The following ANGPT4 variants were observed in gnomAD, a reference collection of about 807,000 sequenced individuals.
ANGPT4 encodes angiopoietin-4.
A neutral mutation model predicts 53.0 loss-of-function variants in ANGPT4; 50 were observed. The observed-to-expected ratio is 0.94, with a 90% CI of 0.75 to 1.20. The LOEUF (loss-of-function observed/expected upper bound fraction) is 1.20, where lower values mean the gene tolerates loss of function less well. Ranked by LOEUF, ANGPT4 falls within the 50% of genes most tolerant of loss-of-function variation. The pLI is 0.00. For missense variants in ANGPT4, 648 were observed against 637.1 expected, an observed-to-expected ratio of 1.02 and a Z score of -0.18; for synonymous variants, 251 against 259.7, an observed-to-expected ratio of 0.97 and a Z score of 0.32.
intron 1 of ANGPT4, among the ~76,000 whole-genome samples, chr20:902,382 T>A (rs73892525): frequency 0.046 from 7,057 of 152,210 alleles, 517 homozygotes; most frequent in African/African-American, 0.16. Context: ...CTCTAACTGA[T>A]ATTAACTTTT....
chr20:877,981 G>A (rs576184200), intron 7 of ANGPT4, among the ~76,000 whole-genome samples, 180 bp downstream of exon 7: 1 of 152,324 alleles, frequency 6.6e-6, no homozygotes, highest in East Asian at 1.9e-4. Context: ...GACATGCTGA[G>A]TGCTAACCAG....
chr20:894,338 A>T (rs1418258993), intron 1 of ANGPT4, among the ~76,000 whole-genome samples: 1 of 152,016 alleles, frequency 6.6e-6, no homozygotes, highest in Non-Finnish European at 1.5e-5. Flanking sequence ...CAACAGGAAA[A>T]CCCAAGTGCT....
chr20:898,687 A>G (rs1305132263), intron 1 of ANGPT4, among the ~76,000 whole-genome samples: 3 of 152,340 alleles, frequency 2.0e-5, no homozygotes, highest in African/African-American at 7.2e-5. Flanking sequence ...GTGGCAACAT[A>G]TTTCTGAGTT....
In ANGPT4 at chr20:878,278, T is replaced by C; in HGVS notation, c.1103A>G (p.His368Arg). 2 of 1,611,220 alleles carry C rather than the reference T, an allele frequency of 1.2e-6. No homozygotes were observed. The highest frequency in any genetic ancestry group is 1.7e-6 in the Non-Finnish European group (2 of 1,178,638). Residue 368 changes from histidine (H) to arginine (R), a missense_variant, in exon 7 of 9, where the codon CAC becomes CGC. Physicochemically the swap from His to Arg is conservative, Grantham distance 29. Coordinates refer to ENST00000381922, the MANE Select transcript of ANGPT4 (RefSeq NM_015985.4). ...GTAGGCTGCCCTTCTGGTGAGCTGG[T>C]GCACCACTTCATTGCCCAGCCAGTG... Reference protein sequence around the residue: ...GEHWLGNEVVHQLTRRAAYSL... With the variant: ...GEHWLGNEVVRQLTRRAAYSL...
rs569458317 is a variant in ANGPT4 at position 887,964 on chromosome 20, T to C, written c.587+354A>G. 7.5e-4 allele frequency among the ~76,000 whole-genome samples: 114 copies of C among 152,084 alleles called. 1 individual carries two copies. Among genetic ancestry groups the C allele is most frequent in the African/African-American group, 1.7e-3 (70 of 41,520 alleles). On this transcript the variant is annotated intron_variant, in intron 3 of 8. Transcript: ENST00000381922. Reference sequence around the variant, plus strand: ...GGGCCCCAGGAAGATGCCTATCCCCTGTCCCACCCAGTGCAGGGGCCAGGC... The same window carrying C: ...GGGCCCCAGGAAGATGCCTATCCCCCGTCCCACCCAGTGCAGGGGCCAGGC...
intron 4 of ANGPT4, among the ~76,000 whole-genome samples, chr20:883,641 G>A (rs374439514): frequency 1.3e-3 from 204 of 152,356 alleles, no homozygotes; most frequent in African/African-American, 4.4e-3. Flanking sequence ...ACGGGGGACA[G>A]GGTGTTTGGG....
At chr20:902,422 A>G (rs1982321895) in intron 1 of ANGPT4, among the ~76,000 whole-genome samples, 1 of 152,064 alleles carries the variant, frequency 6.6e-6, no homozygotes, top group Non-Finnish European at 1.5e-5. Flanking sequence ...GCCACAGGCT[A>G]TTACAGTGGT....
chr20:916,129 G>T lies in ANGPT4; in HGVS notation c.86C>A (p.Ala29Glu). 3.1e-6 allele frequency: 5 copies of T among 1,614,152 alleles called. No homozygotes were observed. The highest frequency in any genetic ancestry group is 1.1e-5 in the South Asian group (1 of 91,082). ...MSVAQQTRQE[A>E]DRGCETLVVQ... Reference sequence around the variant, plus strand: ...TACAAGTGTCTCGCAGCCCCTATCCGCCTCCTGCCTTGTCTGTTGAGCCAC... The same window carrying T: ...TACAAGTGTCTCGCAGCCCCTATCCTCCTCCTGCCTTGTCTGTTGAGCCAC... The change falls in exon 1 of 9, where the codon GCG (alanine) becomes GAG (glutamate). Residue 29 changes from alanine (A) to glutamate (E), a missense_variant. Physicochemically the swap from Ala to Glu is moderately radical, Grantham distance 107. Transcript: ENST00000381922.
intron 3 of ANGPT4, among the ~76,000 whole-genome samples, chr20:887,745 T>G (rs1325151415): frequency 1.3e-5 from 2 of 151,998 alleles, no homozygotes; most frequent in Non-Finnish European, 2.9e-5. Flanking sequence ...ACTGTGGTTG[T>G]TTCTGGGAAA....
intron 5 of ANGPT4, among the ~76,000 whole-genome samples, 192 bp downstream of exon 5, chr20:880,979 C>A (rs563435605): frequency 1.3e-5 from 2 of 152,256 alleles, no homozygotes; most frequent in African/African-American, 2.4e-5. Context: ...TAAGGATGCA[C>A]TTCCAACTTT....
In ANGPT4 at chr20:885,701, C is replaced by CA. The variant is rs1230824311; in HGVS notation, c.588-377dup. Among the ~76,000 whole-genome samples the CA allele has an allele frequency of 5.5e-4, 84 of 152,026 alleles. 2 individuals are homozygous for CA. The highest frequency in any genetic ancestry group is 5.0e-3 in the Admixed American group (77 of 15,268). On this transcript the variant is annotated intron_variant, in intron 3 of 8. Coordinates refer to ENST00000381922, the MANE Select transcript of ANGPT4 (RefSeq NM_015985.4). ...TAGAAAAACAAACTAACCAACCAAC[C>CA]AAAAAAGATATAGCCTAGATGCCCA...
intron 7 of ANGPT4, 81 bp from the exon 8 acceptor site, chr20:874,495 G>A (rs1981084297): frequency 1.3e-6 from 2 of 1,568,708 alleles, no homozygotes; most frequent in Admixed American, 3.5e-5. Flanking sequence ...TTCCCCAGTG[G>A]CTTTGTCCCA....
intron 1 of ANGPT4, among the ~76,000 whole-genome samples, chr20:909,891 C>T (rs1982632583): frequency 6.6e-6 from 1 of 152,194 alleles, no homozygotes; most frequent in South Asian, 2.1e-4. Context: ...TCAGAACGGC[C>T]ACAGCTGCCT....
intron 1 of ANGPT4, among the ~76,000 whole-genome samples, chr20:902,217 G>T (rs1280272964): frequency 6.6e-6 from 1 of 152,030 alleles, no homozygotes; most frequent in Non-Finnish European, 1.5e-5. Context: ...TAGAATGAGA[G>T]TGTATACAGG....
chr20:894,410 G>T (rs886166013), intron 1 of ANGPT4, among the ~76,000 whole-genome samples: 3 of 152,160 alleles, frequency 2.0e-5, no homozygotes, highest in Non-Finnish European at 4.4e-5. Context: ...AGTAGTAGGG[G>T]TGGTGCAGTT....
rs182043253 is a variant in ANGPT4, at chr20:872,994, G to A, written c.1478C>T (p.Ala493Val). 6.2e-7 allele frequency: 1 copy of A among 1,614,110 alleles called. No individual in the cohort carries two copies. Among genetic ancestry groups the A allele is most frequent in the East Asian group, 2.2e-5 (1 of 44,876 alleles). Reference protein sequence around the residue: ...YFKGPSYSLRASRMMIRPLDI With the variant: ...YFKGPSYSLRVSRMMIRPLDI ...CAAAGGCCGTATCATCATGCGAGAG[G>A]CACGCAGTGAGTAGCTGGGGCCCTT... is the stretch of plus-strand genomic sequence containing the variant. The change falls in exon 9 of 9, where the codon GCC becomes GTC. Residue 493 changes from alanine (A) to valine (V), a missense_variant. Ala to Val is a moderately conservative substitution (Grantham distance 64). Coordinates refer to ENST00000381922, the MANE Select transcript of ANGPT4 (RefSeq NM_015985.4).
chr20:893,048 G>T (rs1981910680), intron 1 of ANGPT4, among the ~76,000 whole-genome samples: 1 of 152,180 alleles, frequency 6.6e-6, no homozygotes, highest in Non-Finnish European at 1.5e-5. Context: ...GGCCCCCATG[G>T]CCCAGTCCTG....
At chr20:910,606 A>G (rs953300787) in intron 1 of ANGPT4, among the ~76,000 whole-genome samples, 6 of 152,152 alleles carry the variant, frequency 3.9e-5, no homozygotes, top group Non-Finnish European at 7.3e-5. Flanking sequence ...TAGGGGGCAG[A>G]CCTGGGGCCC....
In ANGPT4 at chr20:872,981, C is replaced by T; in HGVS notation, c.1491G>A (p.Met497Ile). The change falls in exon 9 of 9, where the codon ATG (methionine) becomes ATA (isoleucine). Residue 497 changes from methionine (M) to isoleucine (I), a missense_variant. Transcript: ENST00000381922. ...CTCGTTAGATGTCCAAAGGCCGTAT[C>T]ATCATGCGAGAGGCACGCAGTGAGT... The part of the protein sequence containing the change: ...PSYSLRASRM[M>I]IRPLDI The T allele has an allele frequency of 3.1e-6, 5 of 1,614,088 alleles. No individual in the cohort carries two copies. Among genetic ancestry groups the T allele is most frequent in the Non-Finnish European group, 4.2e-6 (5 of 1,180,014 alleles).
Sources: allele counts gnomAD v4.1 joint callset (sites outside exome capture counted in the v4.1 genomes callset), GRCh38; gene constraint gnomAD v4.1.1; transcripts MANE v1.5; gene names NCBI Gene and HGNC (gene_info 2026-07-23, HGNC 2026-07-21).